NDRG2: variants seen among roughly 807,000 people sequenced by gnomAD.
The protein encoded by NDRG2 is protein NDRG2.
Under a neutral mutation model 58.2 loss-of-function variants are expected in NDRG2, and 34 were observed. That is an observed-to-expected ratio of 0.58 (90% CI 0.44 to 0.78). The LOEUF is 0.78. Ranked by LOEUF, NDRG2 falls within the 30% of genes least tolerant of loss-of-function variation. The pLI, the probability that NDRG2 is intolerant of heterozygous loss-of-function variation, is 0.00. For missense variants in NDRG2, 434 were observed against 471.2 expected (o/e 0.92, Z 0.73); for synonymous variants, 187 against 175.9 (o/e 1.06, Z -0.50).
chr14:21,043,035 C>T, intron 1 of NDRG2: 1 of 1,614,202 alleles, frequency 6.2e-7, no homozygotes, highest in South Asian at 1.1e-5. Flanking sequence ...TCTGCTGCTT[C>T]TGCTGCTGGG....
chr14:21,025,801 C>A, upstream of NDRG2: 2 of 781,722 alleles, frequency 2.6e-6, no homozygotes, highest in Non-Finnish European at 3.0e-6. The surrounding 1 kb of genome is among the most constrained non-coding windows in gnomAD (Gnocchi z 5.1). Flanking sequence ...CGATCGCGGG[C>A]AGGCGGGGGG....
upstream of NDRG2, chr14:21,025,647 C>A: frequency 1.0e-6 from 1 of 985,332 alleles, no homozygotes; most frequent in Non-Finnish European, 1.2e-6. The surrounding 1 kb of genome is among the most constrained non-coding windows in gnomAD (Gnocchi z 5.1). Flanking sequence ...CGCAGGAGTT[C>A]CGACTCCCTC....
At chr14:21,022,034 G>A (rs1183501934) in intron 5 of NDRG2, 28 bp downstream of exon 5, 3 of 1,614,148 alleles carry the variant, frequency 1.9e-6, no homozygotes, top group South Asian at 2.2e-5. Flanking sequence ...CTCACAGTCT[G>A]GTGAAGCAGT....
chr14:21,046,870 C>A (rs1033551372), intron 1 of NDRG2: 3 of 152,082 alleles, frequency 2.0e-5, no homozygotes, highest in Non-Finnish European at 4.4e-5. Flanking sequence ...ATTTACTATT[C>A]GTTTAGTGGA....
intron 1 of NDRG2, chr14:21,035,717 C>A: frequency 2.2e-6 from 1 of 454,062 alleles, no homozygotes; most frequent in Admixed American, 2.4e-5. Flanking sequence ...CTGGCACTTT[C>A]TGACAGCACA....
intron 1 of NDRG2, among the ~76,000 whole-genome samples, chr14:21,050,615 G>A (rs1885418770): frequency 6.6e-6 from 1 of 152,208 alleles, no homozygotes. Context: ...TGCCCAATGA[G>A]CTTGGGCTTT....
chr14:21,049,814 G>C (rs965377716), intron 1 of NDRG2, among the ~76,000 whole-genome samples: 4 of 148,688 alleles, frequency 2.7e-5, no homozygotes, highest in African/African-American at 7.5e-5. Flanking sequence ...ACCCAGGCTA[G>C]AGTGCAGTGG....
intron 1 of NDRG2, among the ~76,000 whole-genome samples, chr14:21,054,380 A>C (rs1213670594): frequency 6.6e-6 from 1 of 152,082 alleles, no homozygotes; most frequent in Admixed American, 6.5e-5. Flanking sequence ...GTTCAGTGTC[A>C]AGAACATAGT....
At chr14:21,032,816 G>T in intron 1 of NDRG2, 1 of 400,288 alleles carries the variant, frequency 2.5e-6, no homozygotes, top group Admixed American at 2.9e-5. Context: ...AACAGAGTCA[G>T]ATGTGTGTTA....
chr14:21,020,565 A>G lies in NDRG2; in HGVS notation c.486T>C (p.Thr162=), dbSNP rs1879601114. Residue 162 remains threonine, a synonymous_variant, in exon 8 of 16, where the codon ACT becomes ACC. Transcript: ENST00000556147. ...LARYALNHPD[T]VEGLVLINID... is the part of the protein sequence containing the mutation. Reference sequence around the variant, plus strand: ...TGTTGATGAGGACAAGACCTTCAACAGTGTCCGGGTGGTTAAGCTGAGGGA... The same window carrying G: ...TGTTGATGAGGACAAGACCTTCAACGGTGTCCGGGTGGTTAAGCTGAGGGA... 2 of 1,613,842 alleles carry G rather than the reference A, an allele frequency of 1.2e-6. No homozygotes were observed. Among genetic ancestry groups the G allele is most frequent in the Non-Finnish European group, 1.7e-6 (2 of 1,179,970 alleles).
chr14:21,060,715 A>C (rs1885911166), intron 1 of NDRG2, among the ~76,000 whole-genome samples: 1 of 152,002 alleles, frequency 6.6e-6, no homozygotes, highest in Admixed American at 6.6e-5. Flanking sequence ...TAAGTTCATA[A>C]TCTGCCTGGC....
chr14:21,021,561 C>G, intron 6 of NDRG2: 1 of 501,174 alleles, frequency 2.0e-6, no homozygotes, highest in South Asian at 2.5e-5. Flanking sequence ...TCAGAGAAGG[C>G]CCTCCTTAGC....
chr14:21,049,450 T>G (rs901464717), intron 1 of NDRG2, among the ~76,000 whole-genome samples: 1 of 152,186 alleles, frequency 6.6e-6, no homozygotes, highest in African/African-American at 2.4e-5. Flanking sequence ...AAACTAACTG[T>G]GGTGTGAATT....
In NDRG2 at chr14:21,019,077, C is replaced by A. The variant is rs199567854; in HGVS notation, c.761+39G>T. 1.1e-3 allele frequency: 1,746 copies of A among 1,568,992 alleles called. 2 individuals carry two copies. Among genetic ancestry groups the A allele is most frequent in the Non-Finnish European group, 1.4e-3 (1,647 of 1,156,598 alleles). Reference sequence around the variant, plus strand: ...AGGGACACAAGCTCCTAGGGAAGATCCAGGGAGACAGGCAATGCATTATCT... The same window carrying A: ...AGGGACACAAGCTCCTAGGGAAGATACAGGGAGACAGGCAATGCATTATCT... On this transcript the variant is annotated intron_variant, in intron 11 of 15. Transcript: ENST00000556147.
intron 1 of NDRG2, chr14:21,033,828 G>T (rs200219413): frequency 6.2e-7 from 1 of 1,607,578 alleles, no homozygotes; most frequent in South Asian, 1.1e-5. Flanking sequence ...TTAAATTCCC[G>T]AATAGAGACC....
upstream of NDRG2, chr14:21,030,643 G>T: frequency 6.2e-7 from 1 of 1,610,054 alleles, no homozygotes; most frequent in Non-Finnish European, 8.5e-7. Context: ...TCATCAAGCA[G>T]TGGCACTGAA....
chr14:21,055,168 A>G (rs542858639), intron 1 of NDRG2, among the ~76,000 whole-genome samples: 1 of 152,348 alleles, frequency 6.6e-6, no homozygotes, highest in Admixed American at 6.5e-5. Flanking sequence ...AAATTATTTG[A>G]CTGCAAGTAA....
At chr14:21,022,293 C>T (rs1880922702) in intron 4 of NDRG2, 99 bp downstream of exon 4, 1 of 1,581,312 alleles carries the variant, frequency 6.3e-7, no homozygotes. Flanking sequence ...AGAACTTCTC[C>T]TTCCCACACT....
At chr14:21,021,588 C>A in intron 6 of NDRG2, 1 of 562,886 alleles carries the variant, frequency 1.8e-6, no homozygotes, top group Non-Finnish European at 3.2e-6. Context: ...CAGGGCCAAG[C>A]ATAGACCCTT....
Sources: gnomAD v4.1 joint callset for allele counts (sites outside exome capture counted in the v4.1 genomes callset) on GRCh38, gnomAD v4.1.1 for gene constraint, Gnocchi (gnomAD v3.1) non-coding constraint, MANE v1.5 for transcripts, NCBI Gene and HGNC (gene_info 2026-07-23, HGNC 2026-07-21) for gene names.